Variants in SMAD7 observed in about 807,000 individuals in gnomAD.
The protein encoded by SMAD7 is MAD (mothers against decapentaplegic, Drosophila) homolog 7.
SMAD7 carries 8 observed loss-of-function variants against 38.7 expected under a neutral mutation model. The observed-to-expected ratio is 0.21, with a 90% CI of 0.12 to 0.37. The LOEUF (loss-of-function observed/expected upper bound fraction) is 0.37, where lower values mean the gene tolerates loss of function less well. SMAD7 is among the 10% of genes least tolerant of loss of function. SMAD7 has a pLI of 1.00. For synonymous variants in SMAD7, 327 were observed against 265.1 expected (o/e 1.23, Z -2.27); for missense variants, 477 against 577.9 (o/e 0.83, Z 1.79).
At chr18:48,945,895 T>C (rs2070189447) in intron 2 of SMAD7, among the ~76,000 whole-genome samples, 1 of 152,134 alleles carries the variant, frequency 6.6e-6, no homozygotes, top group African/African-American at 2.4e-5. Flanking sequence ...TGGGGGTGTC[T>C]TTCTGACTTC....
chr18:48,942,519 G>A lies in SMAD7; in HGVS notation c.704C>T (p.Thr235Ile). 2 of 1,608,640 alleles carry A rather than the reference G, an allele frequency of 1.2e-6. No homozygotes were observed. Among genetic ancestry groups the A allele is most frequent in the Non-Finnish European group, 1.7e-6 (2 of 1,178,010 alleles). The change falls in exon 3 of 4, where the codon ACA (threonine) becomes ATA (isoleucine). Residue 235 changes from threonine (T) to isoleucine (I), a missense_variant. Physicochemically the swap from Thr to Ile is moderately conservative, Grantham distance 89. This residue lies in a region of SMAD7 where 376 missense variants were observed against 379.4 expected (regional missense o/e 0.99). Coordinates refer to ENST00000262158, the MANE Select transcript of SMAD7 (RefSeq NM_005904.4). ...AGGGGCCAGATAATTCGTTCCCCCTGTTTCAGCGGAGGAAGGCACAGCATC... is the reference window on the plus strand; with the variant it reads ...AGGGGCCAGATAATTCGTTCCCCCTATTTCAGCGGAGGAAGGCACAGCATC... Reference protein sequence around the residue: ...CPDAVPSSAETGGTNYLAPGG... With the variant: ...CPDAVPSSAEIGGTNYLAPGG...
intron 3 of SMAD7, among the ~76,000 whole-genome samples, chr18:48,923,571 C>A (rs771764529): frequency 3.3e-4 from 51 of 152,294 alleles, no homozygotes; most frequent in Middle Eastern, 3.4e-3. Context: ...GCTGGGGCAG[C>A]CACAGACACA....
At position 48,950,242 on chromosome 18, in the gene SMAD7, G is replaced by A. The variant is rs764556668; in HGVS notation, c.183C>T (p.Cys61=). The A allele has an allele frequency of 9.3e-6, 14 of 1,509,234 alleles. No homozygotes were observed. In the East Asian group the frequency reaches 3.6e-4, roughly 38 times the overall value. 93.5% of individuals were successfully genotyped at this position (1,509,234 alleles called of 1,614,324 possible). A position where few individuals can be genotyped will look rare whatever the true frequency, so the allele number is the denominator to read the frequency against. Residue 61 remains cysteine (C), a synonymous_variant, in exon 1 of 4, where the codon TGC becomes TGT. Transcript: ENST00000262158. ...TGGCACCTCGCACCGCCTTGCCCAG[G>A]CAGCATCCAGCCCTGCCCGGGCCGC... The part of the protein sequence containing the change: ...GGGGPGRAGC[C]LGKAVRGAKG...
chr18:48,938,671 A>G (rs1303777529), intron 3 of SMAD7, among the ~76,000 whole-genome samples: 1 of 152,202 alleles, frequency 6.6e-6, no homozygotes, highest in Non-Finnish European at 1.5e-5. Context: ...CCAGGACAGC[A>G]GACAGGCAAA....
At chr18:48,936,716 C>T (rs529537308) in intron 3 of SMAD7, among the ~76,000 whole-genome samples, 4 of 152,074 alleles carry the variant, frequency 2.6e-5, no homozygotes, top group African/African-American at 7.2e-5. Context: ...AGGCCTGGAC[C>T]GAAGGAAGTA....
chr18:48,947,899 C>CT (rs1227028684), intron 2 of SMAD7, among the ~76,000 whole-genome samples: 6 of 148,754 alleles, frequency 4.0e-5, no homozygotes, highest in African/African-American at 1.0e-4. Context: ...CCTACCCCCC[C>CT]CCCCCTTTTA....
Position 48,950,372 on chromosome 18 carries a change from G to A in SMAD7, c.53C>T (p.Ala18Val). Residue 18 changes from alanine (A) to valine (V), a missense_variant, in exon 1 of 4, where the codon GCG (alanine) becomes GTG (valine). Coordinates refer to ENST00000262158, the MANE Select transcript of SMAD7 (RefSeq NM_005904.4). ...ALVRRLWRSR[A>V]PGGEDEEEGA... ...CTCCTCCTCGTCCTCGCCGCCGGGCGCACGGCTCCTCCAGAGACGCCGGAC... is the reference window on the plus strand; with the variant it reads ...CTCCTCCTCGTCCTCGCCGCCGGGCACACGGCTCCTCCAGAGACGCCGGAC... 6.5e-7 allele frequency: 1 copy of A among 1,542,920 alleles called. No homozygotes were observed. The highest frequency in any genetic ancestry group is 1.2e-5 in the South Asian group (1 of 83,472).
intron 3 of SMAD7, among the ~76,000 whole-genome samples, chr18:48,924,887 C>T (rs1466037667): frequency 6.6e-6 from 1 of 152,238 alleles, no homozygotes; most frequent in Non-Finnish European, 1.5e-5. Context: ...TTCTGGGGAC[C>T]CCGCACGACA....
chr18:48,924,679 A>G (rs2069904531), intron 3 of SMAD7, among the ~76,000 whole-genome samples: 1 of 152,164 alleles, frequency 6.6e-6, no homozygotes, highest in African/African-American at 2.4e-5. Context: ...AACCCACCGC[A>G]GGGAGACTCC....
chr18:48,922,661 C>T (rs994604674), intron 3 of SMAD7, among the ~76,000 whole-genome samples: 6 of 152,244 alleles, frequency 3.9e-5, no homozygotes, highest in Admixed American at 2.0e-4. Context: ...GGTATTAACC[C>T]GGGCTACCTT....
chr18:48,924,400 G>T (rs2069900835), intron 3 of SMAD7, among the ~76,000 whole-genome samples: 1 of 152,146 alleles, frequency 6.6e-6, no homozygotes, highest in African/African-American at 2.4e-5. Flanking sequence ...CTAGGCAAGG[G>T]GTGGAAGCCT....
chr18:48,949,907 T>A lies in SMAD7; in HGVS notation c.518A>T (p.Glu173Val). 6.2e-7 allele frequency: 1 copy of A among 1,613,698 alleles called. No homozygotes were observed. Among genetic ancestry groups the A allele is most frequent in the Non-Finnish European group, 8.5e-7 (1 of 1,179,902 alleles). ...FRWPDLRHSS[E>V]VKRLCCCESY... ...TTCACAGCAACACAGCCTCTTGACT[T>A]CCGAGGAATGCCTGAGATCCGGCCA... The change falls in exon 1 of 4, where the codon GAA (glutamate) becomes GTA (valine). Residue 173 changes from glutamate to valine, a missense_variant. Glu to Val is a moderately radical substitution (Grantham distance 121, BLOSUM62 -2). Transcript: ENST00000262158.
intron 3 of SMAD7, among the ~76,000 whole-genome samples, chr18:48,941,728 G>A (rs1472148279): frequency 6.6e-6 from 1 of 152,226 alleles, no homozygotes; most frequent in Non-Finnish European, 1.5e-5. Context: ...AACATGAAAT[G>A]CGTCCCATGT....
chr18:48,941,830 C>T (rs956949086), intron 3 of SMAD7, among the ~76,000 whole-genome samples: 4 of 152,210 alleles, frequency 2.6e-5, no homozygotes, highest in South Asian at 2.1e-4. Context: ...CAGCCAGCCC[C>T]GTGACCCCCC....
intron 3 of SMAD7, among the ~76,000 whole-genome samples, chr18:48,927,846 AT>A (rs1355671519): frequency 6.6e-6 from 1 of 152,228 alleles, no homozygotes; most frequent in Admixed American, 6.5e-5. Context: ...TAAGTGGCTC[AT>A]GACAACCCTC....
At chr18:48,935,393 T>TA (rs2070052886) in intron 3 of SMAD7, among the ~76,000 whole-genome samples, 1 of 152,176 alleles carries the variant, frequency 6.6e-6, no homozygotes, top group African/African-American at 2.4e-5. Flanking sequence ...CGAGAGGTGG[T>TA]AGGGCCAGTG....
rs1319100962 is a variant in SMAD7 at position 48,920,005 on chromosome 18, G to A, written c.*1367C>T. The A allele has an allele frequency of 6.6e-6, 1 of 152,458 alleles. No individual in the cohort carries two copies. The highest frequency in any genetic ancestry group is 1.5e-5 in the Non-Finnish European group (1 of 68,012). The allele number at this position is 152,458 out of a possible 1,614,324, so 9.4% of individuals were successfully genotyped here. ...ATTTGCATTTATATTAAAGCAAAGT[G>A]CATCTTTTCTTTATTTTTCTTGTTT... On this transcript the variant is annotated 3_prime_UTR_variant, in exon 4 of 4. Coordinates refer to ENST00000262158, the MANE Select transcript of SMAD7 (RefSeq NM_005904.4).
chr18:48,942,787 C>G (rs1291608745), intron 2 of SMAD7: 1 of 1,372,278 alleles, frequency 7.3e-7, no homozygotes, highest in East Asian at 3.2e-5. Flanking sequence ...AATCATTACT[C>G]GAGTCAGGCT....
chr18:48,944,241 T>C (rs1006183293), intron 2 of SMAD7, among the ~76,000 whole-genome samples: 1 of 152,160 alleles, frequency 6.6e-6, no homozygotes, highest in African/African-American at 2.4e-5. Context: ...CACCCCCACA[T>C]TAAACATAAT....
Sources: allele counts gnomAD v4.1 joint callset (sites outside exome capture counted in the v4.1 genomes callset), GRCh38; gene constraint gnomAD v4.1.1; regional missense constraint gnomAD v4.1.1; transcripts MANE v1.5; gene names NCBI Gene and HGNC (gene_info 2026-07-23, HGNC 2026-07-21).